Variants in MINDY4 observed in about 807,000 individuals in gnomAD.
MINDY4 encodes MINDY lysine 48 deubiquitinase 4.
In MINDY4, 68 loss-of-function variants were observed where a neutral mutation model predicts 87.0. That is an observed-to-expected ratio of 0.78 (90% CI 0.64 to 0.96). MINDY4 has a LOEUF of 0.96. Among genes scored for constraint, MINDY4 ranks in the 40% least tolerant of loss-of-function variants. The pLI, the probability that MINDY4 is intolerant of heterozygous loss-of-function variation, is 0.00. For missense variants in MINDY4, 919 were observed against 928.2 expected (o/e 0.99, Z 0.13); for synonymous variants, 379 against 363.2 (o/e 1.04, Z -0.50).
chr7:30,788,189 C>T (rs984480975), intron 4 of MINDY4, among the ~76,000 whole-genome samples: 4 of 152,160 alleles, frequency 2.6e-5, no homozygotes, highest in Non-Finnish European at 5.9e-5. Context: ...CACAGATAAG[C>T]AGCTGGAAAA....
chr7:30,867,807 G>T (rs550035086), intron 13 of MINDY4, among the ~76,000 whole-genome samples: 4 of 152,316 alleles, frequency 2.6e-5, no homozygotes, highest in Admixed American at 2.6e-4. Context: ...TCAGGTGGAG[G>T]GGGGATAGCT....
chr7:30,801,595 G>C (rs551927873), intron 5 of MINDY4, among the ~76,000 whole-genome samples: 1 of 152,140 alleles, frequency 6.6e-6, no homozygotes, highest in African/African-American at 2.4e-5. Context: ...CCTTCTGATT[G>C]CTGGCCTCCT....
chr7:30,840,745 T>A lies in MINDY4; in HGVS notation c.1357-15T>A. On this transcript the variant is annotated splice_polypyrimidine_tract_variant and intron_variant, in intron 8 of 17. Transcript: ENST00000265299. ...GGCCAGTTCTCACTGGCAGCAATGG[T>A]CTCATTCTTTGCAGGGTGGTCCTTG... The A allele has an allele frequency of 6.2e-7, 1 of 1,612,930 alleles. No homozygotes were observed. The highest frequency in any genetic ancestry group is 8.5e-7 in the Non-Finnish European group (1 of 1,179,254).
chr7:30,780,721 A>T (rs929052079), intron 2 of MINDY4: 1 of 152,290 alleles, frequency 6.6e-6, no homozygotes, highest in South Asian at 2.1e-4. Context: ...ATTTTGAAAA[A>T]CAATATCTAG....
rs763461332 is a variant in MINDY4, at chr7:30,791,503, T to C, written c.1002T>C (p.Gly334=). The C allele has an allele frequency of 1.3e-5, 21 of 1,613,756 alleles. No homozygotes were observed. In the Middle Eastern group the frequency reaches 4.9e-4, roughly 38 times the overall value. ...RMPLKLYLPG[G]NSRMTQERLE... ...CCTTGAAGCTCTACTTGCCTGGTGG[T>C]AATTCCAGGATGACCCAGGAGAGGC... Residue 334 remains glycine (G), a synonymous_variant, in exon 5 of 18, where the codon GGT becomes GGC. Transcript: ENST00000265299.
chr7:30,808,464 G>T (rs1215715947), intron 5 of MINDY4, among the ~76,000 whole-genome samples: 1 of 152,060 alleles, frequency 6.6e-6, no homozygotes, highest in African/African-American at 2.4e-5. Context: ...GTGTGTGTGG[G>T]TGCCCTTTTT....
chr7:30,793,511 G>A (rs897978222), intron 5 of MINDY4, among the ~76,000 whole-genome samples: 15 of 151,016 alleles, frequency 9.9e-5, no homozygotes, highest in African/African-American at 3.4e-4. Flanking sequence ...GACCTTCCAC[G>A]CTCAGGCAAT....
At chr7:30,775,072 A>G (rs1403029298) in intron 1 of MINDY4, among the ~76,000 whole-genome samples, 3 of 152,134 alleles carry the variant, frequency 2.0e-5, no homozygotes, top group African/African-American at 7.2e-5. Context: ...TTCAGACACC[A>G]AATGTATGGG....
In MINDY4 at chr7:30,782,021, A is replaced by G. The variant is rs1787021110; in HGVS notation, c.228A>G (p.Arg76=). Reference sequence around the variant, plus strand: ...AAACAAGCCTTGAACTCATCACCAGATACTTTCTGGATCACTTTGGAAATA... The same window carrying G: ...AAACAAGCCTTGAACTCATCACCAGGTACTTTCTGGATCACTTTGGAAATA... ...PLKTSLELIT[R]YFLDHFGNTA... Residue 76 remains arginine, a synonymous_variant, in exon 3 of 18, where the codon AGA becomes AGG. Coordinates refer to ENST00000265299, the MANE Select transcript of MINDY4 (RefSeq NM_032222.3). The G allele has an allele frequency of 6.2e-7, 1 of 1,614,108 alleles. No individual in the cohort carries two copies.
chr7:30,785,370 C>T (rs1787132032), intron 3 of MINDY4, among the ~76,000 whole-genome samples: 1 of 152,080 alleles, frequency 6.6e-6, no homozygotes, highest in Admixed American at 6.6e-5. Context: ...GGGTCTTCTC[C>T]ACGCCTCTCA....
At position 30,771,438 on chromosome 7, in the gene MINDY4, G is replaced by A. The variant is rs1481066695; in HGVS notation, c.-56G>A. ...GGCCATACTGCGCCGGACAGACCCA[G>A]TTGCCTGGTGCTGCGGCCCGGCGTG... On this transcript the variant is annotated 5_prime_UTR_variant, in exon 1 of 18. Transcript: ENST00000265299. 1 of 1,564,688 alleles carries A rather than the reference G, an allele frequency of 6.4e-7. No homozygotes were observed.
chr7:30,882,159 A>C, intron 15 of MINDY4, 22 bp from the exon 16 acceptor site: 1 of 1,588,594 alleles, frequency 6.3e-7, no homozygotes. Flanking sequence ...GGCATTTCAC[A>C]TCAGGCCTCT....
Position 30,882,990 on chromosome 7 carries a change from C to T in MINDY4, c.2222C>T (p.Thr741Ile). 6.2e-7 allele frequency: 1 copy of T among 1,613,956 alleles called. No homozygotes were observed. Among genetic ancestry groups the T allele is most frequent in the Non-Finnish European group, 8.5e-7 (1 of 1,179,904 alleles). Residue 741 changes from threonine (T) to isoleucine (I), a missense_variant, in exon 17 of 18, where the codon ACC becomes ATC. Physicochemically the swap from Thr to Ile is moderately conservative, Grantham distance 89 (BLOSUM62 -1). Coordinates refer to ENST00000265299, the MANE Select transcript of MINDY4 (RefSeq NM_032222.3). ...CCACCCCTCGAGCTCTGCATCAGAA[C>T]CAAGTGAGTCAAGCCCCTCTCTGGC... is the stretch of plus-strand genomic sequence containing the variant. ...LVPPLELCIR[T>I]KWKGASVNWN...
intron 15 of MINDY4, among the ~76,000 whole-genome samples, chr7:30,880,640 A>G (rs1473433304): frequency 1.3e-5 from 2 of 152,144 alleles, no homozygotes; most frequent in Non-Finnish European, 2.9e-5. Flanking sequence ...CCTCACCAGA[A>G]AAGCCTCTTT....
intron 15 of MINDY4, among the ~76,000 whole-genome samples, chr7:30,877,843 T>C (rs1790319733): frequency 8.0e-6 from 1 of 124,388 alleles, no homozygotes; most frequent in African/African-American, 2.8e-5. Flanking sequence ...TTTTTTTTTT[T>C]TTTTTTTTTT....
intron 5 of MINDY4, among the ~76,000 whole-genome samples, chr7:30,802,209 A>G (rs1377019183): frequency 6.6e-6 from 1 of 151,752 alleles, no homozygotes; most frequent in African/African-American, 2.4e-5. Context: ...AAAGGCCCAC[A>G]TAGAGGTTAG....
intron 5 of MINDY4, among the ~76,000 whole-genome samples, chr7:30,819,641 A>G (rs939554914): frequency 6.6e-6 from 1 of 152,126 alleles, no homozygotes; most frequent in Non-Finnish European, 1.5e-5. Context: ...AATTTTTGAT[A>G]ATATGTTTTG....
At chr7:30,779,198 T>C (rs1464319818) in intron 2 of MINDY4, among the ~76,000 whole-genome samples, 17 of 152,374 alleles carry the variant, frequency 1.1e-4, no homozygotes, top group African/African-American at 3.6e-4. Flanking sequence ...ATTTATGTGA[T>C]TTTAAAATTA....
In MINDY4 at chr7:30,782,213, G is replaced by A; in HGVS notation, c.419+1G>A. On this transcript the variant is annotated splice_donor_variant, in intron 3 of 17. Coordinates refer to ENST00000265299, the MANE Select transcript of MINDY4 (RefSeq NM_032222.3). LOFTEE classifies it high-confidence loss of function. Reference sequence around the variant, plus strand: ...CATTGTCAGAAACAAGCAAAGCCAGGTATCTTTTCCCATTATTATGTTTAT... The same window carrying A: ...CATTGTCAGAAACAAGCAAAGCCAGATATCTTTTCCCATTATTATGTTTAT... 1 of 1,607,248 alleles carries A rather than the reference G, an allele frequency of 6.2e-7. No homozygotes were observed.
Sources: gnomAD v4.1 joint callset for allele counts (sites outside exome capture counted in the v4.1 genomes callset) on GRCh38, gnomAD v4.1.1 for gene constraint, MANE v1.5 for transcripts, NCBI Gene and HGNC (gene_info 2026-07-23, HGNC 2026-07-21) for gene names.